Variants in CACNA2D1 observed in about 807,000 individuals in gnomAD.
The protein encoded by CACNA2D1 is voltage-dependent calcium channel subunit alpha-2/delta-1.
In CACNA2D1, 53 loss-of-function variants were observed where a neutral mutation model predicts 171.5. The ratio of observed to expected loss-of-function variants is 0.31; its 90% CI spans 0.25 to 0.39. The LOEUF (loss-of-function observed/expected upper bound fraction) is 0.39, where lower values mean the gene tolerates loss of function less well. Ranked by LOEUF, CACNA2D1 falls within the 10% of genes least tolerant of loss-of-function variation. The pLI, the probability that CACNA2D1 is intolerant of heterozygous loss-of-function variation, is 1.00. For missense variants in CACNA2D1, 903 were observed against 1,299.8 expected (o/e 0.69, Z 4.69); for synonymous variants, 442 against 443.1 (o/e 1.00, Z 0.03).
chr7:82,152,161 ATAT>A (rs1273012858), intron 4 of CACNA2D1, among the ~76,000 whole-genome samples: 1 of 152,020 alleles, frequency 6.6e-6, no homozygotes, highest in Non-Finnish European at 1.5e-5. Context: ...ATAAGTATTA[ATAT>A]AATAATATGC....
intron 4 of CACNA2D1, among the ~76,000 whole-genome samples, chr7:82,138,488 C>T (rs1237260686): frequency 1.4e-5 from 2 of 141,202 alleles, no homozygotes; most frequent in Non-Finnish European, 3.0e-5. Context: ...GCTGTGTCGC[C>T]CAGGCTGGAG....
chr7:81,975,965 T>TA (rs1170259323), intron 24 of CACNA2D1, among the ~76,000 whole-genome samples: 1 of 148,176 alleles, frequency 6.7e-6, no homozygotes, highest in East Asian at 2.0e-4. Flanking sequence ...CATAGTTCTG[T>TA]AATTTGTTCT....
chr7:82,240,861 T>A (rs1488244604), intron 3 of CACNA2D1, among the ~76,000 whole-genome samples: 2 of 151,674 alleles, frequency 1.3e-5, no homozygotes, highest in South Asian at 2.1e-4. Flanking sequence ...CAGCTACTCG[T>A]GAGGCTGAGG....
intron 1 of CACNA2D1, among the ~76,000 whole-genome samples, chr7:82,404,919 C>T (rs963627557): frequency 6.6e-6 from 1 of 152,160 alleles, no homozygotes; most frequent in African/African-American, 2.4e-5. Context: ...TTACTTGGGA[C>T]AGTGCGTAGA....
chr7:82,145,711 T>A (rs1244863605), intron 4 of CACNA2D1, among the ~76,000 whole-genome samples: 3 of 148,302 alleles, frequency 2.0e-5, no homozygotes, highest in Non-Finnish European at 4.5e-5. Flanking sequence ...TATACACAAT[T>A]TTATATATAT....
chr7:82,104,170 T>C (rs1813036142), intron 6 of CACNA2D1, among the ~76,000 whole-genome samples: 1 of 152,060 alleles, frequency 6.6e-6, no homozygotes, highest in Non-Finnish European at 1.5e-5. Flanking sequence ...GTATAATTCA[T>C]CACGTTTTCC....
chr7:82,040,463 A>AAAC (rs1554367634), intron 10 of CACNA2D1, among the ~76,000 whole-genome samples: 2 of 146,182 alleles, frequency 1.4e-5, no homozygotes, highest in East Asian at 2.0e-4. Flanking sequence ...AAAAAAAAAA[A>AAAC]AAAAAAAACA....
chr7:82,013,616 T>C (rs1800064231), intron 13 of CACNA2D1, 106 bp from the exon 14 acceptor site: 1 of 362,102 alleles, frequency 2.8e-6, no homozygotes, highest in Non-Finnish European at 4.4e-6. Flanking sequence ...TTGAAAACAA[T>C]ATATTTCACT....
intron 3 of CACNA2D1, among the ~76,000 whole-genome samples, chr7:82,297,427 C>T (rs985979741): frequency 2.0e-5 from 3 of 152,086 alleles, no homozygotes; most frequent in African/African-American, 7.2e-5. Flanking sequence ...CACTTGTTTT[C>T]AGTTGGTAAC....
chr7:82,407,056 G>A (rs1827138520), intron 1 of CACNA2D1, among the ~76,000 whole-genome samples: 1 of 152,150 alleles, frequency 6.6e-6, no homozygotes, highest in African/African-American at 2.4e-5. Context: ...TGGCAGATCT[G>A]TTAATGACAG....
chr7:81,967,166 T>TA lies in CACNA2D1; in HGVS notation c.2502+2dup. The TA allele has an allele frequency of 6.2e-7, 1 of 1,603,572 alleles. No individual in the cohort carries two copies. The highest frequency in any genetic ancestry group is 8.5e-7 in the Non-Finnish European group (1 of 1,171,888). ...CAAAAGTGATTTTAAATAGTTTTCT[T>TA]ACGTCACTGTTTCTTTTGCAGTCAC... On this transcript the variant is annotated splice_region_variant and intron_variant, in intron 31 of 38. Coordinates refer to ENST00000356860, the MANE Select transcript of CACNA2D1 (RefSeq NM_000722.4).
intron 4 of CACNA2D1, among the ~76,000 whole-genome samples, chr7:82,146,467 T>G: frequency 6.9e-6 from 1 of 145,784 alleles, no homozygotes; most frequent in Non-Finnish European, 1.5e-5. Context: ...TATATAAATA[T>G]ATATCTTTAT....
chr7:81,948,051 A>C lies in CACNA2D1; in HGVS notation c.*2341T>G, dbSNP rs1456265507. 6.6e-6 allele frequency: 1 copy of C among 151,802 alleles called. No homozygotes were observed. The highest frequency in any genetic ancestry group is 1.5e-5 in the Non-Finnish European group (1 of 67,808). The allele number at this position is 151,802 out of a possible 1,614,324, so 9.4% of individuals were successfully genotyped here. A position where few individuals can be genotyped will look rare whatever the true frequency, so the allele number is the denominator to read the frequency against. ...AACAATGTAATTGATGAAAACATAT[A>C]CTCGACATTAGCCATGAAAATATAT... On this transcript the variant is annotated 3_prime_UTR_variant, in exon 39 of 39. Transcript: ENST00000356860.
At chr7:82,216,065 A>C (rs1801069367) in intron 3 of CACNA2D1, among the ~76,000 whole-genome samples, 2 of 152,180 alleles carry the variant, frequency 1.3e-5, no homozygotes, top group South Asian at 4.1e-4. Context: ...TTACTCTGTC[A>C]CTTTATCACA....
At position 82,097,033 on chromosome 7, in the gene CACNA2D1, T is replaced by C. The variant is rs369713517; in HGVS notation, c.527-12133A>G. On this transcript the variant is annotated intron_variant, in intron 6 of 38. Coordinates refer to ENST00000356860, the MANE Select transcript of CACNA2D1 (RefSeq NM_000722.4). The stretch of plus-strand genomic sequence containing the variant: ...GTTTTGAGGGGCAGGGTAGAAGTAG[T>C]GGTCACAAAAGATTTTCTGAAAGAG... 7.2e-5 allele frequency among the ~76,000 whole-genome samples: 11 copies of C among 152,128 alleles called. No homozygotes were observed. The East Asian group carries it at 1.9e-3, about 27-fold the overall frequency.
At chr7:82,187,462 A>G (rs1797885890) in intron 3 of CACNA2D1, among the ~76,000 whole-genome samples, 1 of 152,154 alleles carries the variant, frequency 6.6e-6, no homozygotes, top group Non-Finnish European at 1.5e-5. Context: ...AGTATTTATT[A>G]CTCCAGCAAC....
intron 3 of CACNA2D1, among the ~76,000 whole-genome samples, chr7:82,323,583 G>A (rs548016452): frequency 6.6e-6 from 1 of 152,284 alleles, no homozygotes; most frequent in African/African-American, 2.4e-5. Context: ...CTCTGATGCT[G>A]CCATTTTGAA....
chr7:82,342,053 CAAAAAAAAAAAA>C (rs60799157), intron 2 of CACNA2D1, among the ~76,000 whole-genome samples: 5 of 65,492 alleles, frequency 7.6e-5, no homozygotes, highest in African/African-American at 2.7e-4. Flanking sequence ...GACTCCGTCT[CAAAAAAAAAAAA>C]AAAAAAAAAA....
chr7:82,270,344 A>G (rs1808454660), intron 3 of CACNA2D1, among the ~76,000 whole-genome samples: 1 of 152,124 alleles, frequency 6.6e-6, no homozygotes, highest in Non-Finnish European at 1.5e-5. Context: ...GAATCATATA[A>G]CACGTAGTCT....
Sources: gnomAD v4.1 joint callset for allele counts (sites outside exome capture counted in the v4.1 genomes callset) on GRCh38, gnomAD v4.1.1 for gene constraint, MANE v1.5 for transcripts, NCBI Gene and HGNC (gene_info 2026-07-23, HGNC 2026-07-21) for gene names.